Variants in MOCS1 observed in about 807,000 individuals in gnomAD.
MOCS1 encodes the protein molybdenum cofactor biosynthesis protein 1.
In MOCS1, 39 loss-of-function variants were observed where a neutral mutation model predicts 57.6. That is an observed-to-expected ratio of 0.68 (90% confidence interval 0.52 to 0.88). The LOEUF (loss-of-function observed/expected upper bound fraction) is 0.88. Ranked by LOEUF, MOCS1 falls within the 40% of genes least tolerant of loss-of-function variation. The pLI is 0.00. For missense variants in MOCS1, 795 were observed against 831.1 expected (o/e 0.96, Z 0.53); for synonymous variants, 334 against 335.7 (o/e 1.00, Z 0.05).
chr6:39,917,210 G>A (rs1235146329), intron 3 of MOCS1, among the ~76,000 whole-genome samples: 2 of 152,164 alleles, frequency 1.3e-5, no homozygotes, highest in Admixed American at 1.3e-4. Flanking sequence ...GGAGGCCTCA[G>A]GAAACTTACA....
intron 4 of MOCS1, among the ~76,000 whole-genome samples, chr6:39,914,679 C>A (rs1413539438): frequency 3.3e-5 from 5 of 152,118 alleles, no homozygotes; most frequent in African/African-American, 1.2e-4. Flanking sequence ...GGTTTCCTTG[C>A]AGCATTTTCA....
At position 39,927,679 on chromosome 6, in the gene MOCS1, G is replaced by A. The variant is rs1340022336; in HGVS notation, c.124-224C>T. ...CCCTTAAGTATTCAGCTTGGGGGTCGGGGGCGGATGGTGATCTCTACTGGG... is the reference window on the plus strand; with the variant it reads ...CCCTTAAGTATTCAGCTTGGGGGTCAGGGGCGGATGGTGATCTCTACTGGG... On this transcript the variant is annotated intron_variant, in intron 1 of 10. Coordinates refer to ENST00000340692, the MANE Select transcript of MOCS1 (RefSeq NM_001358530.2). The A allele has an allele frequency of 4.3e-5, 66 of 1,545,818 alleles. No individual in the cohort carries two copies. The South Asian group carries it at 6.7e-4, about 16-fold the overall frequency.
chr6:39,916,909 C>T (rs562516619), intron 3 of MOCS1, among the ~76,000 whole-genome samples: 7 of 152,270 alleles, frequency 4.6e-5, no homozygotes, highest in African/African-American at 7.2e-5. Context: ...CTAGTGTGCA[C>T]GCAGCTTAGT....
In MOCS1 at chr6:39,905,468, T is replaced by G. The variant is rs1433990020; in HGVS notation, c.*889A>C. ...ATTGATTGATAGGTGCAGCCTTCCC[T>G]GTGAAACTGCAGCAGCTCAGTGCCC... On this transcript the variant is annotated 3_prime_UTR_variant, in exon 11 of 11. Transcript: ENST00000340692. 2 of 471,018 alleles carry G rather than the reference T, an allele frequency of 4.2e-6. No individual in the cohort carries two copies. The highest frequency in any genetic ancestry group is 1.4e-4 in the East Asian group (2 of 14,406). The allele number at this position is 471,018 out of a possible 1,614,324, so 29.2% of individuals were successfully genotyped here. A position where few individuals can be genotyped will look rare whatever the true frequency, so the allele number is the denominator to read the frequency against.
At chr6:39,912,637 C>T (rs534935657) in intron 7 of MOCS1, among the ~76,000 whole-genome samples, 3 of 152,284 alleles carry the variant, frequency 2.0e-5, no homozygotes, top group East Asian at 1.9e-4. Context: ...TGCGTGGAAG[C>T]GGGATGAGCA....
At chr6:39,910,453 G>A (rs1442795539) in intron 8 of MOCS1, among the ~76,000 whole-genome samples, 1 of 152,134 alleles carries the variant, frequency 6.6e-6, no homozygotes, top group Non-Finnish European at 1.5e-5. Flanking sequence ...ATCACTGCTT[G>A]GAAGCTTCAG....
Position 39,912,976 on chromosome 6 carries a change from G to A in MOCS1, c.786C>T (p.Val262=). 1 of 1,614,094 alleles carries A rather than the reference G, an allele frequency of 6.2e-7. No individual in the cohort carries two copies. Residue 262 remains valine, a synonymous_variant, in exon 7 of 11, where the codon GTC becomes GTT. Transcript: ENST00000340692. ...CAGTGTCTAGCATCTCCTTATAGCT[G>A]ACCATCTTCTTGAAGTTCCACTTGT... ...DGNKWNFKKM[V]SYKEMLDTVR... is the part of the protein sequence containing the mutation.
At chr6:39,929,601 T>G (rs1279136497) in intron 1 of MOCS1, among the ~76,000 whole-genome samples, 1 of 151,770 alleles carries the variant, frequency 6.6e-6, no homozygotes, top group Non-Finnish European at 1.5e-5. Flanking sequence ...CAAGGAGCAT[T>G]ATTCAGCAGA....
Position 39,934,397 on chromosome 6 carries a change from G to C in MOCS1, c.21C>G (p.Ser7=), listed in dbSNP as rs1338063285. The C allele has an allele frequency of 4.5e-6, 7 of 1,565,482 alleles. No individual in the cohort carries two copies. Among genetic ancestry groups the C allele is most frequent in the Non-Finnish European group, 6.0e-6 (7 of 1,160,596 alleles). The change falls in exon 1 of 11, where the codon TCC becomes TCG. Residue 7 remains serine (S), a synonymous_variant. Coordinates refer to ENST00000340692, the MANE Select transcript of MOCS1 (RefSeq NM_001358530.2). ...ACCTCAGAAGCCGCCGCAGCATCCG[G>C]GACAGTGGCCGCGCCGCCATGAAGC... MAARPL[S]RMLRRLLRSS...
intron 4 of MOCS1, among the ~76,000 whole-genome samples, chr6:39,914,388 C>T (rs187367306): frequency 1.3e-3 from 200 of 152,352 alleles, no homozygotes; most frequent in South Asian, 6.6e-3. Context: ...TTTCCACTCC[C>T]GTTTCAGTGT....
chr6:39,910,836 C>G (rs796075393), intron 8 of MOCS1, among the ~76,000 whole-genome samples: 5 of 152,300 alleles, frequency 3.3e-5, no homozygotes, highest in Admixed American at 1.3e-4. Flanking sequence ...CTCCCGCCCC[C>G]CAGCTGGCTC....
chr6:39,918,035 T>C (rs1368479493), intron 3 of MOCS1, among the ~76,000 whole-genome samples: 2 of 152,270 alleles, frequency 1.3e-5, no homozygotes, highest in Admixed American at 6.5e-5. Context: ...TAGTTATCTG[T>C]GATCAATAGG....
chr6:39,908,122 C>A (rs1767070539), intron 10 of MOCS1, among the ~76,000 whole-genome samples: 1 of 152,164 alleles, frequency 6.6e-6, no homozygotes, highest in Non-Finnish European at 1.5e-5. Context: ...AGTCTTCTTC[C>A]CAGTGGCAAG....
At chr6:39,925,952 C>T (rs1768270176) in intron 2 of MOCS1, 107 bp from the exon 3 acceptor site, 2 of 1,260,854 alleles carry the variant, frequency 1.6e-6, no homozygotes, top group Non-Finnish European at 2.2e-6. Flanking sequence ...TTCTCAAACC[C>T]ATCTGGATGT....
intron 3 of MOCS1, among the ~76,000 whole-genome samples, chr6:39,922,139 C>T (rs975324597): frequency 6.6e-6 from 1 of 152,216 alleles, no homozygotes; most frequent in African/African-American, 2.4e-5. Flanking sequence ...CTGTCCAACA[C>T]AGCAGCTGCT....
chr6:39,913,653 G>T, intron 5 of MOCS1, 121 bp downstream of exon 5: 2 of 1,167,982 alleles, frequency 1.7e-6, no homozygotes, highest in Non-Finnish European at 2.6e-6. Flanking sequence ...GTGGAAGGGT[G>T]CACGTACTTC....
At chr6:39,915,241 C>T (rs1767588005) in intron 4 of MOCS1, among the ~76,000 whole-genome samples, 1 of 152,134 alleles carries the variant, frequency 6.6e-6, no homozygotes, top group Non-Finnish European at 1.5e-5. Flanking sequence ...AAAGAGACAC[C>T]ATGAGTGCTT....
intron 1 of MOCS1, among the ~76,000 whole-genome samples, chr6:39,933,106 C>A (rs1768724630): frequency 6.6e-6 from 1 of 152,104 alleles, no homozygotes; most frequent in Non-Finnish European, 1.5e-5. Context: ...GGAAAGTTAA[C>A]TTAGATTAGC....
At chr6:39,919,684 G>A (rs1417465595) in intron 3 of MOCS1, among the ~76,000 whole-genome samples, 1 of 152,018 alleles carries the variant, frequency 6.6e-6, no homozygotes, top group African/African-American at 2.4e-5. Flanking sequence ...ACTAACAAAT[G>A]GACCAACAGA....
Sources: gnomAD v4.1 joint callset for allele counts (sites outside exome capture counted in the v4.1 genomes callset) on GRCh38, gnomAD v4.1.1 for gene constraint, MANE v1.5 for transcripts, NCBI Gene and HGNC (gene_info 2026-07-23, HGNC 2026-07-21) for gene names.